ATP6V1A: variants seen among roughly 807,000 people sequenced by gnomAD.
ATP6V1A encodes the protein ATPase H+ transporting V1 subunit A.
Under a neutral mutation model 70.1 loss-of-function variants are expected in ATP6V1A, and 18 were observed. The observed-to-expected ratio is 0.26, with a 90% CI of 0.18 to 0.38. The LOEUF (loss-of-function observed/expected upper bound fraction) is 0.38. ATP6V1A is among the 10% of genes least tolerant of loss of function. ATP6V1A has a pLI of 1.00. For synonymous variants in ATP6V1A, 232 were observed against 253.8 expected (o/e 0.91, Z 0.82); for missense variants, 424 against 772.4 (o/e 0.55, Z 5.35).
At position 113,788,713 on chromosome 3, in the gene ATP6V1A, G is replaced by A; in HGVS notation, c.717G>A (p.Pro239=). The A allele has an allele frequency of 6.2e-7, 1 of 1,610,664 alleles. No individual in the cohort carries two copies. Among genetic ancestry groups the A allele is most frequent in the South Asian group, 1.1e-5 (1 of 90,482 alleles). ...TCCATACTTTGTTTTCTTTGTTTAG[G>A]TGTGTCCAGGGAGGAACTACTGCTA... ...TGQRVLDALF[P]CVQGGTTAIP... The change falls in exon 7 of 15, where the codon CCG becomes CCA. Residue 239 remains proline, a splice_region_variant and synonymous_variant. Transcript: ENST00000273398.
intron 1 of ATP6V1A, among the ~76,000 whole-genome samples, chr3:113,761,385 G>A (rs924583739): frequency 7.7e-6 from 1 of 130,222 alleles, no homozygotes; most frequent in Non-Finnish European, 1.6e-5. Context: ...TTTTTTTTTT[G>A]GCAAAGCCAT....
intron 14 of ATP6V1A, among the ~76,000 whole-genome samples, chr3:113,806,449 G>A (rs565215266): frequency 1.4e-4 from 21 of 151,874 alleles, no homozygotes; most frequent in Non-Finnish European, 2.6e-4. Context: ...ATCATGTACT[G>A]CAGGTCATTT....
At chr3:113,770,861 G>A (rs1440995812) in intron 1 of ATP6V1A, among the ~76,000 whole-genome samples, 3 of 151,998 alleles carry the variant, frequency 2.0e-5, no homozygotes, top group Admixed American at 1.3e-4. Context: ...TTGGGAGGCC[G>A]AGGCGGGCAG....
intron 2 of ATP6V1A, 63 bp from the exon 3 acceptor site, chr3:113,780,987 T>G: frequency 2.0e-6 from 3 of 1,527,842 alleles, no homozygotes; most frequent in Non-Finnish European, 2.6e-6. Context: ...GTTTTAATTA[T>G]TTGTGACTAT....
chr3:113,782,546 A>ATATATATACATGTGTATATATATATG (rs1708988155), intron 3 of ATP6V1A, among the ~76,000 whole-genome samples: 1 of 145,808 alleles, frequency 6.9e-6, no homozygotes, highest in African/African-American at 2.5e-5. Flanking sequence ...CTCTCTCTAT[A>ATATATATACATGTGTATATATATATG]TATATATATA....
At chr3:113,804,288 G>A (rs1475751149) in intron 13 of ATP6V1A, among the ~76,000 whole-genome samples, 3 of 151,766 alleles carry the variant, frequency 2.0e-5, no homozygotes, top group Non-Finnish European at 2.9e-5. Flanking sequence ...CAACACGCCT[G>A]TCTTCTTTTA....
chr3:113,779,036 A>T (rs528657367), intron 2 of ATP6V1A: 1 of 375,638 alleles, frequency 2.7e-6, no homozygotes, highest in South Asian at 9.1e-5. Context: ...TAAATTTTAT[A>T]ATTATTGAGG....
At chr3:113,805,269 A>G in intron 13 of ATP6V1A, 85 bp from the exon 14 acceptor site, 7 of 1,318,064 alleles carry the variant, frequency 5.3e-6, no homozygotes, top group Non-Finnish European at 7.4e-6. Context: ...AGATAAAGAA[A>G]CTAATGCTCT....
intron 3 of ATP6V1A, among the ~76,000 whole-genome samples, chr3:113,783,499 G>T (rs1419010049): frequency 6.6e-6 from 1 of 152,154 alleles, no homozygotes; most frequent in Non-Finnish European, 1.5e-5. Flanking sequence ...CTTATTAGGG[G>T]ACTGATATTC....
intron 1 of ATP6V1A, among the ~76,000 whole-genome samples, chr3:113,755,253 T>C (rs986571097): frequency 6.6e-5 from 10 of 152,022 alleles, no homozygotes; most frequent in Non-Finnish European, 1.3e-4. Flanking sequence ...TTTAACTTCA[T>C]TGGATGTTGT....
rs182070867 is a variant in ATP6V1A at position 113,793,712 on chromosome 3, A to G, written c.989-1160A>G. 4.7e-3 allele frequency among the ~76,000 whole-genome samples: 716 copies of G among 152,300 alleles called. 4 individuals are homozygous for G. Among genetic ancestry groups the G allele is most frequent in the Non-Finnish European group, 8.5e-3 (576 of 68,016 alleles). On this transcript the variant is annotated intron_variant, in intron 8 of 14. Transcript: ENST00000273398. ...AAGACTTTCTTCATGAGACCATTTT[A>G]TGGATGCCTGAACAGTCAGTATTTT...
chr3:113,803,706 T>G lies in ATP6V1A; in HGVS notation c.1589+29T>G, dbSNP rs1383226500. ...AGCTATATTGATTTCCTTTTTTTATTTGAGGATTTTCTGTTGTGTTTTGGT... is the reference window on the plus strand; with the variant it reads ...AGCTATATTGATTTCCTTTTTTTATGTGAGGATTTTCTGTTGTGTTTTGGT... On this transcript the variant is annotated intron_variant, in intron 13 of 14. Coordinates refer to ENST00000273398, the MANE Select transcript of ATP6V1A (RefSeq NM_001690.4). 3.9e-6 allele frequency: 6 copies of G among 1,535,290 alleles called. No homozygotes were observed. In the Admixed American group the frequency reaches 5.4e-5, roughly 14 times the overall value.
chr3:113,796,355 C>G (rs567467725), intron 11 of ATP6V1A, among the ~76,000 whole-genome samples: 1 of 152,174 alleles, frequency 6.6e-6, no homozygotes, highest in Non-Finnish European at 1.5e-5. Flanking sequence ...TTCTTTCCAT[C>G]TTGTGACTCC....
rs1708982303 is a variant in ATP6V1A at position 113,782,040 on chromosome 3, C to A, written c.211+862C>A. On this transcript the variant is annotated intron_variant, in intron 3 of 14. Coordinates refer to ENST00000273398, the MANE Select transcript of ATP6V1A (RefSeq NM_001690.4). Reference sequence around the variant, plus strand: ...AAGGGTTAAGCCTAGTGAAGAAGAACCACTTTTTTAGTGCTTCTATATGTG... The same window carrying A: ...AAGGGTTAAGCCTAGTGAAGAAGAAACACTTTTTTAGTGCTTCTATATGTG... Among the ~76,000 whole-genome samples the A allele has an allele frequency of 1.3e-5, 2 of 152,090 alleles. 1 individual carries two copies. Among genetic ancestry groups the A allele is most frequent in the South Asian group, 4.1e-4 (2 of 4,828 alleles).
In ATP6V1A at chr3:113,805,578, CT is replaced by C. The variant is rs547136777; in HGVS notation, c.1761+63del. 6.7e-3 allele frequency: 8,496 copies of C among 1,266,972 alleles called. 2 individuals are homozygous for C. Among genetic ancestry groups the C allele is most frequent in the South Asian group, 9.5e-3 (619 of 65,482 alleles). 78.5% of individuals were successfully genotyped at this position (1,266,972 alleles called of 1,614,324 possible). ...TTTATTTGGAAATGCTTCTTTTTTTCTTTTTTTTTTAGACAGAGTCTCACTC... is the reference window on the plus strand; with the variant it reads ...TTTATTTGGAAATGCTTCTTTTTTTCTTTTTTTTTAGACAGAGTCTCACTC... On this transcript the variant is annotated intron_variant, in intron 14 of 14. Coordinates refer to ENST00000273398, the MANE Select transcript of ATP6V1A (RefSeq NM_001690.4).
intron 3 of ATP6V1A, among the ~76,000 whole-genome samples, chr3:113,783,805 G>A (rs1258828577): frequency 6.6e-6 from 1 of 152,164 alleles, no homozygotes; most frequent in Non-Finnish European, 1.5e-5. Flanking sequence ...ACAAAAGCAG[G>A]TATCATGTGA....
intron 1 of ATP6V1A, among the ~76,000 whole-genome samples, chr3:113,770,854 G>A (rs1159678732): frequency 6.6e-6 from 1 of 151,960 alleles, no homozygotes; most frequent in Non-Finnish European, 1.5e-5. Context: ...CAGTACTTTG[G>A]GAGGCCGAGG....
chr3:113,803,588 T>C lies in ATP6V1A; in HGVS notation c.1500T>C (p.Ser500=). 6.2e-7 allele frequency: 1 copy of C among 1,602,962 alleles called. No individual in the cohort carries two copies. The highest frequency in any genetic ancestry group is 8.5e-7 in the Non-Finnish European group (1 of 1,174,432). ...AATATCTTTTTCTCTTCTAGGCTTC[T>C]TTGGCAGAAACAGATAAAATCACTC... The part of the protein sequence containing the change: ...AEIVQLVGKA[S]LAETDKITLE... Residue 500 remains serine, a synonymous_variant, in exon 13 of 15, where the codon TCT becomes TCC. Transcript: ENST00000273398.
At position 113,784,736 on chromosome 3, in the gene ATP6V1A, T is replaced by C. The variant is rs1193855803; in HGVS notation, c.467T>C (p.Val156Ala). Reference protein sequence around the residue: ...HITGGDIYGIVSENSLIKHKI... With the variant: ...HITGGDIYGIASENSLIKHKI... The stretch of plus-strand genomic sequence containing the variant: ...ACTGGCGGAGACATTTATGGAATTG[T>C]CAGTGAGAACTCGCTTATCAAACAC... Residue 156 changes from valine to alanine, a missense_variant, in exon 5 of 15, where the codon GTC becomes GCC. This residue lies in a region of ATP6V1A where 139 missense variants were observed against 163.5 expected (regional missense o/e 0.85). Transcript: ENST00000273398. The C allele has an allele frequency of 1.2e-6, 2 of 1,614,106 alleles. No individual in the cohort carries two copies. The highest frequency in any genetic ancestry group is 1.7e-6 in the Non-Finnish European group (2 of 1,179,994).
Sources: gnomAD v4.1 joint callset for allele counts (sites outside exome capture counted in the v4.1 genomes callset) on GRCh38, gnomAD v4.1.1 for gene constraint, gnomAD v4.1.1 regional missense constraint, MANE v1.5 for transcripts, NCBI Gene and HGNC (gene_info 2026-07-23, HGNC 2026-07-21) for gene names.